Variants in ATP2B2 observed in about 807,000 individuals in gnomAD.
ATP2B2 encodes the protein ATPase plasma membrane Ca2+ transporting 2, also known as plasma membrane calcium-transporting ATPase 2.
Under a neutral mutation model 120.0 loss-of-function variants are expected in ATP2B2, and 15 were observed. The observed-to-expected ratio is 0.12, with a 90% confidence interval of 0.08 to 0.19. The LOEUF (loss-of-function observed/expected upper bound fraction) is 0.19. ATP2B2 is among the 10% of genes least tolerant of loss of function. The probability of loss-of-function intolerance (pLI) is 1.00; values close to 1 mark genes in which losing one functional copy is unlikely to be tolerated. For missense variants in ATP2B2, 1,045 were observed against 1,719.8 expected (o/e 0.61, Z 6.94); for synonymous variants, 694 against 700.3 (o/e 0.99, Z 0.14).
intron 1 of ATP2B2, among the ~76,000 whole-genome samples, chr3:10,696,665 C>T (rs1012606746): frequency 2.6e-5 from 4 of 152,208 alleles, no homozygotes; most frequent in South Asian, 4.1e-4. Context: ...CACTTCTGAT[C>T]CCTTTAGTCA....
At chr3:10,509,207 T>C (rs2066710000), upstream of ATP2B2, among the ~76,000 whole-genome samples, 1 of 151,932 alleles carries the variant, frequency 6.6e-6, no homozygotes, top group Admixed American at 6.6e-5. Context: ...GAGGACTGAA[T>C]GTAATTAGAG....
chr3:10,538,904 G>T (rs993435489), intron 2 of ATP2B2, among the ~76,000 whole-genome samples: 8 of 152,052 alleles, frequency 5.3e-5, no homozygotes, highest in Admixed American at 1.3e-4. Flanking sequence ...AGAAATAAAG[G>T]GTATTCAATT....
chr3:10,583,806 G>A (rs2068446044), intron 2 of ATP2B2, among the ~76,000 whole-genome samples: 1 of 152,206 alleles, frequency 6.6e-6, no homozygotes, highest in South Asian at 2.1e-4. Context: ...CCCACTGCAA[G>A]GGGCCAATAC....
intron 1 of ATP2B2, among the ~76,000 whole-genome samples, chr3:10,660,135 A>C (rs1316935774): frequency 6.6e-6 from 1 of 152,236 alleles, no homozygotes; most frequent in Non-Finnish European, 1.5e-5. Context: ...AATGCCCATA[A>C]GAGAAATCGG....
At chr3:10,496,927 A>C (rs1274878167) in intron 1 of ATP2B2, among the ~76,000 whole-genome samples, 1 of 149,496 alleles carries the variant, frequency 6.7e-6, no homozygotes, top group Non-Finnish European at 1.5e-5. Flanking sequence ...TGGTGGCTGG[A>C]CCAACGGGCC....
intron 3 of ATP2B2, among the ~76,000 whole-genome samples, chr3:10,404,751 G>C (rs942478361): frequency 1.3e-5 from 2 of 152,184 alleles, no homozygotes; most frequent in African/African-American, 4.8e-5. Flanking sequence ...GACACCAATA[G>C]AGACTCCAAA....
chr3:10,386,210 G>A (rs2061674201), intron 7 of ATP2B2, among the ~76,000 whole-genome samples: 1 of 152,180 alleles, frequency 6.6e-6, no homozygotes, highest in Non-Finnish European at 1.5e-5. Flanking sequence ...TGGTACGCAG[G>A]GCTAAGGGTG....
chr3:10,528,232 C>T (rs1008309958), intron 3 of ATP2B2, among the ~76,000 whole-genome samples: 7 of 152,052 alleles, frequency 4.6e-5, no homozygotes, highest in Admixed American at 1.3e-4. Flanking sequence ...GCCCTGGGAA[C>T]GTGGGGAAAG....
chr3:10,605,231 T>C lies in ATP2B2; in HGVS notation c.-415+14686A>G, dbSNP rs898088034. Among the ~76,000 whole-genome samples the C allele has an allele frequency of 2.6e-5, 4 of 152,292 alleles. No individual in the cohort carries two copies. The South Asian group carries it at 8.3e-4, about 32-fold the overall frequency. ...GCAGATGCTGACAGTAACAAGAAAA[T>C]AGCGACAACAATACTAGCCTATGTG... On this transcript the variant is annotated intron_variant, in intron 2 of 21. Transcript: ENST00000646379.
At chr3:10,562,802 T>G (rs1255740359) in intron 2 of ATP2B2, among the ~76,000 whole-genome samples, 2 of 152,226 alleles carry the variant, frequency 1.3e-5, no homozygotes, top group African/African-American at 4.8e-5. Flanking sequence ...CAATGGGGAT[T>G]CGTTAAATAA....
At chr3:10,404,258 G>A (rs898288185) in intron 3 of ATP2B2, among the ~76,000 whole-genome samples, 2 of 152,220 alleles carry the variant, frequency 1.3e-5, no homozygotes, top group Non-Finnish European at 2.9e-5. Context: ...ATCATGTGGG[G>A]TTCCCAAAGC....
chr3:10,353,884 A>G (rs2060642702), intron 14 of ATP2B2, among the ~76,000 whole-genome samples: 1 of 152,200 alleles, frequency 6.6e-6, no homozygotes, highest in Non-Finnish European at 1.5e-5. Context: ...TGGGTACAAT[A>G]GTATCCACCC....
At chr3:10,408,988 G>C (rs1406303284) in intron 3 of ATP2B2, among the ~76,000 whole-genome samples, 2 of 152,222 alleles carry the variant, frequency 1.3e-5, no homozygotes, top group African/African-American at 2.4e-5. Flanking sequence ...TGCTGTCTCA[G>C]GGCCTTGGTT....
rs567958605 is a variant in ATP2B2, at chr3:10,422,740, G to A, written c.200-11925C>T. On this transcript the variant is annotated intron_variant, in intron 2 of 22. Transcript: ENST00000360273. ...GTGGTTTCTTTGCAAGCATGTGGAC[G>A]CAATGTCCATTCGCTTATGTGCACC... is the stretch of plus-strand genomic sequence containing the variant. Among the ~76,000 whole-genome samples the A allele has an allele frequency of 2.6e-5, 4 of 152,240 alleles. 1 individual carries two copies. The highest frequency in any genetic ancestry group is 5.9e-5 in the Non-Finnish European group (4 of 68,036).
chr3:10,545,723 T>C (rs2067531901), intron 2 of ATP2B2, among the ~76,000 whole-genome samples: 1 of 152,174 alleles, frequency 6.6e-6, no homozygotes, highest in African/African-American at 2.4e-5. Context: ...CTCTTATTGT[T>C]AGCGGTGGTT....
intron 3 of ATP2B2, among the ~76,000 whole-genome samples, chr3:10,405,334 G>A (rs538132430): frequency 6.6e-6 from 1 of 152,240 alleles, no homozygotes; most frequent in African/African-American, 2.4e-5. Context: ...GGAACCCTCT[G>A]GGCCTTGGAG....
chr3:10,329,679 A>C lies in ATP2B2; in HGVS notation c.3421-554T>G, dbSNP rs1487457086. On this transcript the variant is annotated intron_variant, in intron 22 of 22. Coordinates refer to ENST00000360273, the MANE Select transcript of ATP2B2 (RefSeq NM_001001331.4). The surrounding 1 kb of genome is among the most constrained non-coding windows in gnomAD (Gnocchi z 5.9). ...GGATGAGTTGGGATGAGAGAGACACATGAGGGCCAAACAGAACGGGAACAT... is the reference window on the plus strand; with the variant it reads ...GGATGAGTTGGGATGAGAGAGACACCTGAGGGCCAAACAGAACGGGAACAT... Among the ~76,000 whole-genome samples, 1 of 152,188 alleles carries C rather than the reference A, an allele frequency of 6.6e-6. No individual in the cohort carries two copies. Among genetic ancestry groups the C allele is most frequent in the Non-Finnish European group, 1.5e-5 (1 of 68,038 alleles).
At chr3:10,695,251 G>GGAGGGAGAGA (rs60247955) in intron 1 of ATP2B2, among the ~76,000 whole-genome samples, 4 of 126,966 alleles carry the variant, frequency 3.2e-5, no homozygotes, top group African/African-American at 1.4e-4. Context: ...AGGGAGGGAG[G>GGAGGGAGAGA]GAGAGAGAGA....
intron 2 of ATP2B2, among the ~76,000 whole-genome samples, chr3:10,569,394 C>T (rs1467336609): frequency 1.3e-5 from 2 of 152,122 alleles, no homozygotes; most frequent in Admixed American, 1.3e-4. Context: ...TGCCCTCGGT[C>T]CCACGGTGAG....
Sources: gnomAD v4.1 joint callset for allele counts (sites outside exome capture counted in the v4.1 genomes callset) on GRCh38, gnomAD v4.1.1 for gene constraint, Gnocchi (gnomAD v3.1) non-coding constraint, MANE v1.5 for transcripts, NCBI Gene and HGNC (gene_info 2026-07-23, HGNC 2026-07-21) for gene names.